The following CIROZ variants were observed in gnomAD, a reference collection of about 807,000 sequenced individuals.
CIROZ encodes the protein ciliated left-right organizer protein containing ZP-N domains.
the CIROZ span, chr1:10,958,643 C>A: frequency 4.5e-6 from 7 of 1,568,196 alleles, no homozygotes; most frequent in South Asian, 7.8e-5. Flanking sequence ...CTCAGAGCAT[C>A]CTGAGCACCC....
At chr1:10,948,123 C>G in the CIROZ span, 1 of 1,613,552 alleles carries the variant, frequency 6.2e-7, no homozygotes, top group Non-Finnish European at 8.5e-7. Context: ...CTGCCTCACA[C>G]TTGGGGTGGA....
the CIROZ span, chr1:10,964,257 C>G: frequency 6.2e-7 from 1 of 1,612,530 alleles, no homozygotes; most frequent in Non-Finnish European, 8.5e-7. Flanking sequence ...TGATTTCCAG[C>G]CTGTAATTTG....
At chr1:10,963,750 C>T in the CIROZ span, among the ~76,000 whole-genome samples, 1 of 151,590 alleles carries the variant, frequency 6.6e-6, no homozygotes, top group Non-Finnish European at 1.5e-5. Flanking sequence ...AAAAAAAAAG[C>T]ATCCAAACTA....
At chr1:10,948,061 T>C in the CIROZ span, 1 of 1,613,422 alleles carries the variant, frequency 6.2e-7, no homozygotes, top group Non-Finnish European at 8.5e-7. Flanking sequence ...AGCCTCACCC[T>C]GGGCATCCCG....
chr1:10,961,963 C>T, the CIROZ span, among the ~76,000 whole-genome samples: 58,130 of 151,876 alleles, frequency 0.38, 12,300 homozygotes, highest in African/African-American at 0.54. Flanking sequence ...AATAAATGAA[C>T]AAATGCTTGT....
At chr1:10,976,393 T>G in the CIROZ span, 1 of 633,776 alleles carries the variant, frequency 1.6e-6, no homozygotes, top group Non-Finnish European at 2.7e-6. Flanking sequence ...TGGAGTGCAG[T>G]GGCGCGATCT....
At chr1:10,961,003 C>G in the CIROZ span, among the ~76,000 whole-genome samples, 1 of 152,092 alleles carries the variant, frequency 6.6e-6, no homozygotes, top group Non-Finnish European at 1.5e-5. Context: ...TGCAGAGCCC[C>G]CCCCACCCAC....
chr1:10,955,688 C>T, the CIROZ span, among the ~76,000 whole-genome samples: 59 of 151,874 alleles, frequency 3.9e-4, no homozygotes, highest in East Asian at 6.0e-3. Flanking sequence ...ACTAAAAACA[C>T]AAAAAATTAG....
chr1:10,964,376 A>G, the CIROZ span: 1 of 1,316,060 alleles, frequency 7.6e-7, no homozygotes, highest in East Asian at 2.6e-5. Context: ...GACACCATGA[A>G]CCTCCTAGAA....
At chr1:10,949,169 A>C in the CIROZ span, 1 of 254,814 alleles carries the variant, frequency 3.9e-6, no homozygotes, top group Non-Finnish European at 7.4e-6. Context: ...GGCTGCAGTA[A>C]GCCAAGATCG....
At chr1:10,967,148 A>G in the CIROZ span, among the ~76,000 whole-genome samples, 2 of 93,408 alleles carry the variant, frequency 2.1e-5, no homozygotes, top group Admixed American at 9.7e-5. Context: ...AACACTGTCC[A>G]AAAAAAGAAA....
the CIROZ span, among the ~76,000 whole-genome samples, chr1:10,980,344 C>A: frequency 2.0e-5 from 3 of 152,240 alleles, no homozygotes; most frequent in Non-Finnish European, 4.4e-5. Flanking sequence ...CCGCTTCATT[C>A]GCTGAATTCA....
the CIROZ span, chr1:10,955,287 C>CCCT: frequency 5.5e-6 from 6 of 1,090,180 alleles, no homozygotes; most frequent in Non-Finnish European, 7.7e-6. Context: ...CACCTGTGGC[C>CCCT]GGCACAGCAC....
chr1:10,969,264 G>A, the CIROZ span, among the ~76,000 whole-genome samples: 27 of 152,192 alleles, frequency 1.8e-4, no homozygotes, highest in East Asian at 5.0e-3. Context: ...GCAGAGCATG[G>A]AGGGAAGCAA....
At chr1:10,949,669 C>G in the CIROZ span, 2 of 1,607,258 alleles carry the variant, frequency 1.2e-6, no homozygotes, top group East Asian at 4.5e-5. Flanking sequence ...CCCGAGAAAG[C>G]CATTCCTGGG....
At chr1:10,958,301 G>A in the CIROZ span, among the ~76,000 whole-genome samples, 7 of 152,188 alleles carry the variant, frequency 4.6e-5, no homozygotes, top group African/African-American at 1.2e-4. Flanking sequence ...TGGATCCTTC[G>A]GGGAGGCTGC....
chr1:10,947,782 G>A, the CIROZ span: 78 of 1,598,498 alleles, frequency 4.9e-5, no homozygotes, highest in East Asian at 6.7e-5. Flanking sequence ...GAGGCCCCCC[G>A]GCCAGCCTGG....
the CIROZ span, among the ~76,000 whole-genome samples, chr1:10,958,492 C>G: frequency 6.6e-6 from 1 of 152,228 alleles, no homozygotes; most frequent in African/African-American, 2.4e-5. Flanking sequence ...GTCCCCTCTT[C>G]AAGATTGTTC....
the CIROZ span, among the ~76,000 whole-genome samples, chr1:10,956,577 G>C: frequency 1.3e-5 from 2 of 151,156 alleles, no homozygotes; most frequent in African/African-American, 4.9e-5. Flanking sequence ...CCAGGTTCAC[G>C]CCATTCTCCT....
Sources: gnomAD v4.1 joint callset for allele counts (sites outside exome capture counted in the v4.1 genomes callset) on GRCh38, gnomAD v4.1.1 for gene constraint, MANE v1.5 for transcripts, NCBI Gene and HGNC (gene_info 2026-07-23, HGNC 2026-07-21) for gene names.